Variants in RBM20 observed in about 807,000 individuals in gnomAD.
RBM20 encodes RNA binding motif protein 20.
A neutral mutation model predicts 110.1 loss-of-function variants in RBM20; 51 were observed. That is an observed-to-expected ratio of 0.46 (90% confidence interval 0.37 to 0.59). The LOEUF is 0.59. RBM20 is among the 20% of genes least tolerant of loss of function. The probability of loss-of-function intolerance (pLI) is 0.00; values close to 1 mark genes in which losing one functional copy is unlikely to be tolerated. For synonymous variants in RBM20, 589 were observed against 618.2 expected, an observed-to-expected ratio of 0.95 and a Z score of 0.70; for missense variants, 1,512 against 1,574.9, an observed-to-expected ratio of 0.96 and a Z score of 0.68.
intron 1 of RBM20, among the ~76,000 whole-genome samples, chr10:110,693,517 A>C (rs141910200): frequency 9.5e-4 from 144 of 152,258 alleles, no homozygotes; most frequent in African/African-American, 3.2e-3. Context: ...GCATTCGTCC[A>C]TTTCAAACGT....
Position 110,780,880 on chromosome 10 carries a change from C to T in RBM20, c.271C>T (p.Leu91=), listed in dbSNP as rs1261378279. The stretch of plus-strand genomic sequence containing the variant: ...GCTTCCTTCACCTGCCAGTCTCCAG[C>T]TGGCTCAACTGCAGGCCCAGCTCAC... ...PLLPSPASLQ[L]AQLQAQLTLH... is the part of the protein sequence containing the mutation. The change falls in exon 2 of 14, where the codon CTG becomes TTG. Residue 91 remains leucine, a synonymous_variant. Transcript: ENST00000369519. The T allele has an allele frequency of 1.9e-6, 3 of 1,550,764 alleles. No individual in the cohort carries two copies. The East Asian group carries it at 7.3e-5, about 38-fold the overall frequency.
chr10:110,809,748 GAGCATGGAA>G (rs1844741603), intron 7 of RBM20, among the ~76,000 whole-genome samples: 1 of 152,204 alleles, frequency 6.6e-6, no homozygotes. Flanking sequence ...AGGGGGCACA[GAGCATGGAA>G]AGCATGGAAA....
intron 1 of RBM20, among the ~76,000 whole-genome samples, chr10:110,710,467 G>A (rs1184809446): frequency 6.6e-6 from 1 of 151,628 alleles, no homozygotes; most frequent in African/African-American, 2.4e-5. Context: ...TCTCAGGTTG[G>A]AGAACAACTG....
At chr10:110,746,599 A>C (rs1006777798) in intron 1 of RBM20, among the ~76,000 whole-genome samples, 3 of 152,190 alleles carry the variant, frequency 2.0e-5, no homozygotes, top group Non-Finnish European at 2.9e-5. Context: ...ACCAAATTCC[A>C]CCTGGAGATG....
At chr10:110,645,320 T>C (rs1861853817) in intron 1 of RBM20, among the ~76,000 whole-genome samples, 1 of 152,196 alleles carries the variant, frequency 6.6e-6, no homozygotes, top group Non-Finnish European at 1.5e-5. Flanking sequence ...TTCAGCCCGT[T>C]TGAGGAACAT....
intron 1 of RBM20, among the ~76,000 whole-genome samples, chr10:110,727,065 C>G (rs1843568314): frequency 6.7e-6 from 1 of 148,944 alleles, no homozygotes; most frequent in Non-Finnish European, 1.5e-5. Context: ...CCAGGCTGGT[C>G]TCAAACTCCT....
chr10:110,750,623 T>C (rs1391736852), intron 1 of RBM20, among the ~76,000 whole-genome samples: 1 of 152,246 alleles, frequency 6.6e-6, no homozygotes, highest in Non-Finnish European at 1.5e-5. Context: ...TGATTTCTTT[T>C]AAGCTCTAGA....
At chr10:110,744,720 A>T (rs765500564) in intron 1 of RBM20, among the ~76,000 whole-genome samples, 1 of 152,256 alleles carries the variant, frequency 6.6e-6, no homozygotes, top group African/African-American at 2.4e-5. Context: ...TTAGATGTAT[A>T]TTTAGCTACT....
chr10:110,656,380 C>T (rs1171061212), intron 1 of RBM20, among the ~76,000 whole-genome samples: 4 of 152,104 alleles, frequency 2.6e-5, no homozygotes, highest in Non-Finnish European at 2.9e-5. Context: ...TTCTCCTTAT[C>T]CCCCTCACAT....
chr10:110,802,247 A>G (rs1374487221), intron 7 of RBM20, among the ~76,000 whole-genome samples: 1 of 152,194 alleles, frequency 6.6e-6, no homozygotes, highest in African/African-American at 2.4e-5. Flanking sequence ...GTTTCTGGCT[A>G]GGACTGGCAT....
intron 12 of RBM20, among the ~76,000 whole-genome samples, chr10:110,829,616 T>A (rs1317232964): frequency 6.6e-6 from 1 of 151,908 alleles, no homozygotes; most frequent in Admixed American, 6.5e-5. Flanking sequence ...TATTTTGAAA[T>A]GAAAAAAAAG....
intron 1 of RBM20, among the ~76,000 whole-genome samples, chr10:110,689,774 AC>A (rs1254869054): frequency 1.3e-5 from 2 of 152,218 alleles, no homozygotes; most frequent in African/African-American, 4.8e-5. Context: ...AAAGCCTTTT[AC>A]AAGTCTAAAG....
chr10:110,768,672 C>T (rs977568836), intron 1 of RBM20, among the ~76,000 whole-genome samples: 3 of 152,120 alleles, frequency 2.0e-5, no homozygotes, highest in Admixed American at 2.0e-4. Context: ...TCTAATTTGC[C>T]CAGTGTTGAG....
chr10:110,758,955 G>C (rs182216387), intron 1 of RBM20, among the ~76,000 whole-genome samples: 67 of 152,304 alleles, frequency 4.4e-4, no homozygotes, highest in African/African-American at 1.5e-3. Context: ...GATGTTTCCT[G>C]CTTCTGTTTT....
intron 11 of RBM20, among the ~76,000 whole-genome samples, chr10:110,823,096 A>G (rs1193891781): frequency 6.6e-6 from 1 of 151,766 alleles, no homozygotes; most frequent in African/African-American, 2.4e-5. Context: ...CTGTTTTGCT[A>G]GCCTCGGTGG....
intron 1 of RBM20, among the ~76,000 whole-genome samples, chr10:110,703,491 A>G (rs1405544835): frequency 6.6e-6 from 1 of 152,224 alleles, no homozygotes; most frequent in Admixed American, 6.5e-5. Context: ...CAGTTCCCCC[A>G]GTGATAACAG....
intron 7 of RBM20, 74 bp from the exon 8 acceptor site, chr10:110,810,309 C>T (rs892626555): frequency 5.3e-5 from 59 of 1,103,918 alleles, no homozygotes; most frequent in Non-Finnish European, 7.4e-5. Flanking sequence ...ATGAATGACC[C>T]AGGTCAGAGC....
chr10:110,644,025 C>G (rs1048002633), upstream of RBM20, among the ~76,000 whole-genome samples: 6 of 152,202 alleles, frequency 3.9e-5, no homozygotes, highest in African/African-American at 1.4e-4. The surrounding 1 kb of genome is among the most constrained non-coding windows in gnomAD (Gnocchi z 4.3). Flanking sequence ...GGCGGCCGAC[C>G]GCGGGCTGCG....
intron 1 of RBM20, among the ~76,000 whole-genome samples, chr10:110,694,261 A>G (rs1862629575): frequency 6.6e-6 from 1 of 152,214 alleles, no homozygotes; most frequent in Admixed American, 6.5e-5. Context: ...ACCGAATGAA[A>G]CCAAAGCCAA....
Sources: gnomAD v4.1 joint callset for allele counts (sites outside exome capture counted in the v4.1 genomes callset) on GRCh38, gnomAD v4.1.1 for gene constraint, Gnocchi (gnomAD v3.1) non-coding constraint, MANE v1.5 for transcripts, NCBI Gene and HGNC (gene_info 2026-07-23, HGNC 2026-07-21) for gene names.